COBL: variants seen among roughly 807,000 people sequenced by gnomAD.
COBL encodes the protein protein cordon-bleu.
A neutral mutation model predicts 98.8 loss-of-function variants in COBL; 51 were observed. That is an observed-to-expected ratio of 0.52 (90% confidence interval 0.41 to 0.65). COBL has a LOEUF of 0.65. COBL is among the 30% of genes least tolerant of loss of function. The pLI, the probability that COBL is intolerant of heterozygous loss-of-function variation, is 0.00. For synonymous variants in COBL, 634 were observed against 651.7 expected, an observed-to-expected ratio of 0.97 and a Z score of 0.41; for missense variants, 1,617 against 1,617.5, an observed-to-expected ratio of 1.00 and a Z score of 0.01.
intron 6 of COBL, among the ~76,000 whole-genome samples, chr7:51,126,973 T>C (rs1444560351): frequency 6.6e-6 from 1 of 152,144 alleles, no homozygotes; most frequent in Non-Finnish European, 1.5e-5. Context: ...AAATGTCTAC[T>C]GAGGGTCCAC....
At chr7:51,300,432 A>AT (rs1801834299) in intron 1 of COBL, among the ~76,000 whole-genome samples, 1 of 152,146 alleles carries the variant, frequency 6.6e-6, no homozygotes, top group Admixed American at 6.5e-5. Flanking sequence ...AAGTGCTGGG[A>AT]TTATAGGCAT....
chr7:51,107,329 G>A (rs866535129), intron 6 of COBL, among the ~76,000 whole-genome samples: 31 of 152,048 alleles, frequency 2.0e-4, no homozygotes, highest in Middle Eastern at 3.4e-3. Flanking sequence ...TCCTGACCTC[G>A]TGATTTGCCC....
At chr7:51,267,707 G>A (rs977351013) in intron 1 of COBL, among the ~76,000 whole-genome samples, 18 of 151,954 alleles carry the variant, frequency 1.2e-4, no homozygotes, top group Non-Finnish European at 2.2e-4. Flanking sequence ...CCAAGAAGCT[G>A]GGATTACAGG....
At chr7:51,129,724 G>A (rs1562945806) in intron 6 of COBL, among the ~76,000 whole-genome samples, 1 of 152,068 alleles carries the variant, frequency 6.6e-6, no homozygotes, top group African/African-American at 2.4e-5. Context: ...AGGGTCTGGT[G>A]CAGTGAGGAG....
At chr7:51,136,098 G>C (rs1046349428) in intron 6 of COBL, 60 bp downstream of exon 6, 14 of 1,558,894 alleles carry the variant, frequency 9.0e-6, no homozygotes, top group Non-Finnish European at 1.1e-5. Context: ...GGGAGCTTTG[G>C]AACAATCAAC....
At chr7:51,111,750 G>A (rs1178051230) in intron 6 of COBL, among the ~76,000 whole-genome samples, 1 of 152,202 alleles carries the variant, frequency 6.6e-6, no homozygotes, top group Non-Finnish European at 1.5e-5. Context: ...TCAATACCAG[G>A]AGGAGCTGTA....
At chr7:51,230,565 C>T (rs1794650931) in intron 1 of COBL, among the ~76,000 whole-genome samples, 1 of 152,232 alleles carries the variant, frequency 6.6e-6, no homozygotes, top group African/African-American at 2.4e-5. Flanking sequence ...CTTCTCTCCC[C>T]CAGACTCTTA....
chr7:51,016,414 T>A lies in COBL; in HGVS notation c.*1137A>T, dbSNP rs1486885798. On this transcript the variant is annotated 3_prime_UTR_variant, in exon 13 of 13. Coordinates refer to ENST00000265136, the MANE Select transcript of COBL (RefSeq NM_015198.5). Reference sequence around the variant, plus strand: ...CACCATACTTGTTTTCTCACTCAGATACACATTTTATTTCATCAACACATC... The same window carrying A: ...CACCATACTTGTTTTCTCACTCAGAAACACATTTTATTTCATCAACACATC... 6.6e-6 allele frequency: 1 copy of A among 152,308 alleles called. No homozygotes were observed. The highest frequency in any genetic ancestry group is 1.9e-4 in the East Asian group (1 of 5,206). 9.4% of individuals were successfully genotyped at this position (152,308 alleles called of 1,614,324 possible).
chr7:51,159,236 G>A (rs1786535896), intron 5 of COBL, among the ~76,000 whole-genome samples: 1 of 152,190 alleles, frequency 6.6e-6, no homozygotes, highest in South Asian at 2.1e-4. Context: ...CACAGGTGCT[G>A]GGAAGTGGAG....
chr7:51,143,101 C>T (rs1002126786), intron 5 of COBL, among the ~76,000 whole-genome samples: 22 of 152,266 alleles, frequency 1.4e-4, no homozygotes, highest in African/African-American at 5.3e-4. Flanking sequence ...TCATAATGTG[C>T]AGCATAGTGA....
chr7:51,307,116 G>A (rs548147052), intron 1 of COBL, among the ~76,000 whole-genome samples: 4 of 152,230 alleles, frequency 2.6e-5, no homozygotes, highest in South Asian at 2.1e-4. Context: ...AGGCCAAGGC[G>A]GGTGGATCAC....
rs114455093 is a variant in COBL at position 51,182,665 on chromosome 7, G to A, written c.783+1437C>T. On this transcript the variant is annotated intron_variant, in intron 5 of 12. Transcript: ENST00000265136. ...AGGAGGGAGAGTAGGGGGGAAGAGAGGGGGAGAGGAAGGGATAGTTGGAGA... is the reference window on the plus strand; with the variant it reads ...AGGAGGGAGAGTAGGGGGGAAGAGAAGGGGAGAGGAAGGGATAGTTGGAGA... Among the ~76,000 whole-genome samples the A allele has an allele frequency of 4.0e-3, 604 of 151,606 alleles. 3 individuals are homozygous for A. Among genetic ancestry groups the A allele is most frequent in the African/African-American group, 0.014 (563 of 41,394 alleles).
At chr7:51,243,694 T>G (rs1051999666) in intron 1 of COBL, among the ~76,000 whole-genome samples, 3 of 152,204 alleles carry the variant, frequency 2.0e-5, no homozygotes, top group East Asian at 3.9e-4. Flanking sequence ...ATCCTCAAAA[T>G]GACAAAAATC....
intron 5 of COBL, among the ~76,000 whole-genome samples, chr7:51,178,477 G>GT (rs1410878274): frequency 5.9e-5 from 9 of 152,112 alleles, no homozygotes. Flanking sequence ...GGCAAAACTT[G>GT]TTTTTCTCTT....
chr7:51,054,790 A>C (rs1260970397), intron 7 of COBL, among the ~76,000 whole-genome samples: 1 of 152,050 alleles, frequency 6.6e-6, no homozygotes, highest in Non-Finnish European at 1.5e-5. Context: ...ACGACAGAAA[A>C]CCCAGCCTTT....
intron 1 of COBL, among the ~76,000 whole-genome samples, chr7:51,274,298 G>A (rs1799080128): frequency 6.6e-6 from 1 of 152,146 alleles, no homozygotes; most frequent in South Asian, 2.1e-4. Flanking sequence ...CGCAGGAGAA[G>A]AGCACCCTGT....
chr7:51,027,809 T>C lies in COBL; in HGVS notation c.3287A>G (p.Lys1096Arg). The C allele has an allele frequency of 6.2e-7, 1 of 1,614,236 alleles. No individual in the cohort carries two copies. Among genetic ancestry groups the C allele is most frequent in the Non-Finnish European group, 8.5e-7 (1 of 1,180,050 alleles). The change falls in exon 10 of 13, where the codon AAA becomes AGA. Residue 1096 changes from lysine to arginine, a missense_variant. Physicochemically the swap from Lys to Arg is conservative, Grantham distance 26. This residue lies in a region of COBL where 1,304 missense variants were observed against 1,282.0 expected (regional missense o/e 1.02). Coordinates refer to ENST00000265136, the MANE Select transcript of COBL (RefSeq NM_015198.5). ...PSIFGPKKKF[K>R]PVVQRPVPKD... ...TGGGACTGGTCTCTGGACAACAGGT[T>C]TGAATTTTTTCTTCGGCCCAAAAAT...
chr7:51,150,255 G>A (rs1164964964), intron 5 of COBL, among the ~76,000 whole-genome samples: 1 of 152,208 alleles, frequency 6.6e-6, no homozygotes, highest in Non-Finnish European at 1.5e-5. Flanking sequence ...TACAGTCTCT[G>A]ATAGTCCAGT....
intron 1 of COBL, among the ~76,000 whole-genome samples, chr7:51,288,909 A>G (rs1489550603): frequency 6.6e-6 from 1 of 152,242 alleles, no homozygotes; most frequent in Non-Finnish European, 1.5e-5. Flanking sequence ...TGTCCTTGTT[A>G]AAATATGAAC....
Sources: gnomAD v4.1 joint callset for allele counts (sites outside exome capture counted in the v4.1 genomes callset) on GRCh38, gnomAD v4.1.1 for gene constraint, gnomAD v4.1.1 regional missense constraint, MANE v1.5 for transcripts, NCBI Gene and HGNC (gene_info 2026-07-23, HGNC 2026-07-21) for gene names.